The following AFAP1L2 variants were observed in gnomAD, a reference collection of about 807,000 sequenced individuals.
AFAP1L2 encodes actin filament associated protein 1 like 2, also known as actin filament-associated protein 1-like 2.
A neutral mutation model predicts 99.3 loss-of-function variants in AFAP1L2; 46 were observed. The ratio of observed to expected loss-of-function variants is 0.46; its 90% confidence interval spans 0.37 to 0.59. The LOEUF is 0.59. Among genes scored for constraint, AFAP1L2 ranks in the 20% least tolerant of loss-of-function variants. The probability of loss-of-function intolerance (pLI) is 0.00; values close to 1 mark genes in which losing one functional copy is unlikely to be tolerated. For synonymous variants in AFAP1L2, 397 were observed against 419.1 expected, an observed-to-expected ratio of 0.95 and a Z score of 0.64; for missense variants, 959 against 1,034.9, an observed-to-expected ratio of 0.93 and a Z score of 1.01.
intron 1 of AFAP1L2, among the ~76,000 whole-genome samples, chr10:114,374,826 G>A (rs1391003223): frequency 4.3e-5 from 6 of 140,948 alleles, no homozygotes; most frequent in African/African-American, 1.5e-4. Flanking sequence ...AAGGAATGGA[G>A]GATGGGGGCA....
chr10:114,306,071 C>T (rs1267785184), intron 10 of AFAP1L2, among the ~76,000 whole-genome samples: 1 of 52,736 alleles, frequency 1.9e-5, no homozygotes, highest in African/African-American at 8.6e-5. Context: ...ATGCANGAAG[C>T]GACGGGGCTG....
intron 5 of AFAP1L2, among the ~76,000 whole-genome samples, chr10:114,316,640 C>A (rs1231546308): frequency 6.6e-6 from 1 of 152,214 alleles, no homozygotes; most frequent in African/African-American, 2.4e-5. Flanking sequence ...CTGCCCCCAC[C>A]ACCCTGCAAG....
chr10:114,296,627 G>A (rs933612258), intron 18 of AFAP1L2: 8 of 265,666 alleles, frequency 3.0e-5, no homozygotes, highest in African/African-American at 1.8e-4. Context: ...AATGGTAGAA[G>A]TCCTGTGGAG....
chr10:114,400,592 G>A (rs146128310), intron 1 of AFAP1L2, among the ~76,000 whole-genome samples: 17 of 151,984 alleles, frequency 1.1e-4, no homozygotes, highest in Admixed American at 3.3e-4. Flanking sequence ...AAGGCACATC[G>A]TGTGAGTATC....
At chr10:114,383,838 G>C (rs1261783219) in intron 1 of AFAP1L2, among the ~76,000 whole-genome samples, 1 of 152,200 alleles carries the variant, frequency 6.6e-6, no homozygotes, top group African/African-American at 2.4e-5. Context: ...GAGCTTGGTG[G>C]AAGTGGGGAT....
In AFAP1L2 at chr10:114,361,936, T is replaced by C. The variant is rs914303425; in HGVS notation, c.17-21205A>G. ...TCTGGTATTCTTCTGCGATTCTCTATGCAAAAATGGATGGTAGGATATTTT... is the reference window on the plus strand; with the variant it reads ...TCTGGTATTCTTCTGCGATTCTCTACGCAAAAATGGATGGTAGGATATTTT... On this transcript the variant is annotated intron_variant, in intron 1 of 18. Coordinates refer to ENST00000304129, the MANE Select transcript of AFAP1L2 (RefSeq NM_001001936.3). Among the ~76,000 whole-genome samples the C allele has an allele frequency of 7.9e-5, 12 of 152,116 alleles. No individual in the cohort carries two copies. The East Asian group carries it at 1.9e-3, about 24-fold the overall frequency.
At chr10:114,372,606 T>C (rs1310729365) in intron 1 of AFAP1L2, among the ~76,000 whole-genome samples, 1 of 151,756 alleles carries the variant, frequency 6.6e-6, no homozygotes, top group African/African-American at 2.4e-5. Context: ...AGTGTATGCA[T>C]ATGATGAAAA....
chr10:114,291,173 G>A (rs977660508), downstream of AFAP1L2: 54 of 1,550,070 alleles, frequency 3.5e-5, no homozygotes, highest in Non-Finnish European at 4.5e-5. Context: ...GGGCTGAGAA[G>A]GGGATGCAGA....
chr10:114,327,205 C>T (rs1324751576), intron 4 of AFAP1L2, among the ~76,000 whole-genome samples: 1 of 110,296 alleles, frequency 9.1e-6, no homozygotes, highest in Non-Finnish European at 2.1e-5. Context: ...CACTGTGTTG[C>T]CCAGGCTGGA....
chr10:114,355,361 C>G (rs7086566), intron 1 of AFAP1L2, among the ~76,000 whole-genome samples: 14,625 of 151,104 alleles, frequency 0.097, 1,854 homozygotes, highest in African/African-American at 0.29. Flanking sequence ...TTCACACAAA[C>G]TGCTGTGATT....
intron 10 of AFAP1L2, among the ~76,000 whole-genome samples, chr10:114,305,770 G>A (rs1196123703): frequency 7.5e-6 from 1 of 133,842 alleles, no homozygotes; most frequent in African/African-American, 2.9e-5. Flanking sequence ...AGGACTGGTC[G>A]GGGCTGCAGG....
chr10:114,390,945 A>G (rs1364185117), intron 1 of AFAP1L2, among the ~76,000 whole-genome samples: 2 of 152,188 alleles, frequency 1.3e-5, no homozygotes, highest in Admixed American at 6.5e-5. Flanking sequence ...GCCTTTTGGC[A>G]GCTTCCTTGA....
chr10:114,321,654 C>T (rs740483), intron 5 of AFAP1L2, among the ~76,000 whole-genome samples: 102,664 of 152,090 alleles, frequency 0.68, 35,906 homozygotes, highest in East Asian at 0.91. Flanking sequence ...GCCCTTTCAC[C>T]TACAAAGGAA....
At chr10:114,342,545 C>A (rs2048966959) in intron 1 of AFAP1L2, among the ~76,000 whole-genome samples, 1 of 152,128 alleles carries the variant, frequency 6.6e-6, no homozygotes, top group Non-Finnish European at 1.5e-5. Flanking sequence ...TGCAGGTGAG[C>A]ACAGTGTAAT....
chr10:114,401,443 C>T (rs909473119), intron 1 of AFAP1L2, among the ~76,000 whole-genome samples: 10 of 152,196 alleles, frequency 6.6e-5, no homozygotes, highest in South Asian at 2.1e-4. Flanking sequence ...TATGTAAACA[C>T]ATAAGGATGG....
intron 1 of AFAP1L2, chr10:114,363,292 T>C (rs2052709842): frequency 5.5e-6 from 3 of 546,470 alleles, no homozygotes; most frequent in African/African-American, 2.1e-5. Context: ...GCCTGCAGAA[T>C]TCACGACACA....
At chr10:114,333,190 C>G (rs1420515272) in intron 3 of AFAP1L2, 31 bp downstream of exon 3, 1 of 1,596,058 alleles carries the variant, frequency 6.3e-7, no homozygotes, top group East Asian at 2.2e-5. Flanking sequence ...GAGTGGCCAT[C>G]ATACCAGCGT....
At chr10:114,287,584 C>T in the AFAP1L2 span, among the ~76,000 whole-genome samples, 1 of 152,202 alleles carries the variant, frequency 6.6e-6, no homozygotes, top group Admixed American at 6.5e-5. Flanking sequence ...AGGCGAGAGG[C>T]TTTCCCTCCT....
intron 1 of AFAP1L2, among the ~76,000 whole-genome samples, chr10:114,351,125 T>C (rs909531835): frequency 4.6e-5 from 7 of 152,110 alleles, no homozygotes; most frequent in East Asian, 1.9e-4. Context: ...CGAGTTCACA[T>C]TGGAAAGGCT....
Sources: gnomAD v4.1 joint callset for allele counts (sites outside exome capture counted in the v4.1 genomes callset) on GRCh38, gnomAD v4.1.1 for gene constraint, MANE v1.5 for transcripts, NCBI Gene and HGNC (gene_info 2026-07-23, HGNC 2026-07-21) for gene names.